The following GALNT13 variants were observed in gnomAD, a reference collection of about 807,000 sequenced individuals.
GALNT13 encodes the protein polypeptide N-acetylgalactosaminyltransferase 13.
In GALNT13, 28 loss-of-function variants were observed where a neutral mutation model predicts 64.2. The ratio of observed to expected loss-of-function variants is 0.44; its 90% CI spans 0.32 to 0.60. The LOEUF (loss-of-function observed/expected upper bound fraction) is 0.60. Ranked by LOEUF, GALNT13 falls within the 20% of genes least tolerant of loss-of-function variation. GALNT13 has a pLI of 0.05. For synonymous variants in GALNT13, 214 were observed against 224.6 expected, an observed-to-expected ratio of 0.95 and a Z score of 0.42; for missense variants, 577 against 669.8, an observed-to-expected ratio of 0.86 and a Z score of 1.53.
chr2:153,074,885 A>T, the GALNT13 span, among the ~76,000 whole-genome samples: 3 of 152,082 alleles, frequency 2.0e-5, no homozygotes, highest in Non-Finnish European at 4.4e-5. Context: ...CATACATGCC[A>T]CTGTACCCAG....
chr2:153,227,731 A>G, the GALNT13 span, among the ~76,000 whole-genome samples: 4 of 152,216 alleles, frequency 2.6e-5, no homozygotes, highest in African/African-American at 7.2e-5. Flanking sequence ...TTTAAAGGCT[A>G]TGATGAAAGA....
chr2:153,746,007 T>C, the GALNT13 span, among the ~76,000 whole-genome samples: 1 of 152,208 alleles, frequency 6.6e-6, no homozygotes, highest in Admixed American at 6.5e-5. Context: ...TTTCCCAGAA[T>C]GCAATAGAAA....
chr2:153,453,721 A>T, the GALNT13 span, among the ~76,000 whole-genome samples: 1 of 152,206 alleles, frequency 6.6e-6, no homozygotes, highest in African/African-American at 2.4e-5. Flanking sequence ...CTTCCCAAAG[A>T]ACTTACAACA....
At chr2:154,141,119 G>C (rs987176844) in intron 4 of GALNT13, among the ~76,000 whole-genome samples, 64 of 152,080 alleles carry the variant, frequency 4.2e-4, no homozygotes, top group African/African-American at 1.5e-3. Flanking sequence ...TTGTATACTT[G>C]TATAGGTCAT....
the GALNT13 span, among the ~76,000 whole-genome samples, chr2:153,235,116 A>G: frequency 6.6e-6 from 1 of 152,128 alleles, no homozygotes; most frequent in African/African-American, 2.4e-5. Context: ...GTGTGTGTTT[A>G]GACTGATCCA....
At chr2:153,929,525 G>C (rs1043672738) in intron 2 of GALNT13, among the ~76,000 whole-genome samples, 1 of 152,028 alleles carries the variant, frequency 6.6e-6, no homozygotes, top group African/African-American at 2.4e-5. Context: ...GTAGGCCATT[G>C]TGTCTGTTTT....
chr2:153,659,488 T>C, the GALNT13 span, among the ~76,000 whole-genome samples: 1 of 152,152 alleles, frequency 6.6e-6, no homozygotes, highest in Non-Finnish European at 1.5e-5. Flanking sequence ...CCTTCGAAGC[T>C]TAAGTCTTAT....
At chr2:153,072,169 T>C in the GALNT13 span, among the ~76,000 whole-genome samples, 1 of 152,192 alleles carries the variant, frequency 6.6e-6, no homozygotes, top group Non-Finnish European at 1.5e-5. Context: ...TAATGGGTGA[T>C]TGATGAAGGC....
At chr2:153,325,433 T>C in the GALNT13 span, among the ~76,000 whole-genome samples, 1 of 137,200 alleles carries the variant, frequency 7.3e-6, no homozygotes, top group Non-Finnish European at 1.7e-5. Flanking sequence ...TTTGTTAACA[T>C]TTTCAAAAAA....
chr2:153,970,250 C>T (rs1405434268), intron 3 of GALNT13, among the ~76,000 whole-genome samples: 1 of 152,182 alleles, frequency 6.6e-6, no homozygotes, highest in African/African-American at 2.4e-5. Flanking sequence ...CTTATTGTTT[C>T]CATATTGCTA....
At chr2:153,674,019 G>T in the GALNT13 span, among the ~76,000 whole-genome samples, 1 of 152,146 alleles carries the variant, frequency 6.6e-6, no homozygotes, top group Non-Finnish European at 1.5e-5. Context: ...TCTTCAAGGA[G>T]AACTACAAAC....
chr2:153,507,481 A>AT, the GALNT13 span, among the ~76,000 whole-genome samples: 1 of 151,962 alleles, frequency 6.6e-6, no homozygotes, highest in Non-Finnish European at 1.5e-5. Context: ...GGATCTCACC[A>AT]TATTGGCCAG....
chr2:153,993,974 G>C (rs895789639), intron 3 of GALNT13, among the ~76,000 whole-genome samples: 1 of 151,932 alleles, frequency 6.6e-6, no homozygotes, highest in African/African-American at 2.4e-5. Context: ...ATGCAGGTTT[G>C]TTACATATGT....
At chr2:153,188,596 T>A in the GALNT13 span, among the ~76,000 whole-genome samples, 1 of 152,266 alleles carries the variant, frequency 6.6e-6, no homozygotes, top group African/African-American at 2.4e-5. Flanking sequence ...GGAACTTTTT[T>A]TCTGGTATGA....
the GALNT13 span, among the ~76,000 whole-genome samples, chr2:153,508,647 C>T: frequency 6.6e-6 from 1 of 152,200 alleles, no homozygotes; most frequent in Non-Finnish European, 1.5e-5. Flanking sequence ...TACCAGCCTC[C>T]CCGCTGATGA....
At chr2:153,455,097 G>A in the GALNT13 span, among the ~76,000 whole-genome samples, 4 of 152,140 alleles carry the variant, frequency 2.6e-5, no homozygotes, top group East Asian at 1.9e-4. Context: ...GAAGGGTTGG[G>A]TAAGGAAGAA....
At chr2:153,555,670 A>AGTCAT in the GALNT13 span, among the ~76,000 whole-genome samples, 2 of 152,262 alleles carry the variant, frequency 1.3e-5, no homozygotes, top group Admixed American at 6.5e-5. Flanking sequence ...AAATATTAAG[A>AGTCAT]GTCATGCACT....
chr2:153,304,990 G>C, the GALNT13 span, among the ~76,000 whole-genome samples: 1 of 152,100 alleles, frequency 6.6e-6, no homozygotes, highest in Non-Finnish European at 1.5e-5. Flanking sequence ...TTTTTCTGAG[G>C]ATTATATAAT....
At chr2:153,947,334 T>TGA (rs1322827423) in intron 3 of GALNT13, among the ~76,000 whole-genome samples, 1 of 152,012 alleles carries the variant, frequency 6.6e-6, no homozygotes, top group African/African-American at 2.4e-5. Flanking sequence ...TGTGACTGTG[T>TGA]GTGTGTGTGC....
Sources: gnomAD v4.1 joint callset for allele counts (sites outside exome capture counted in the v4.1 genomes callset) on GRCh38, gnomAD v4.1.1 for gene constraint, MANE v1.5 for transcripts, NCBI Gene and HGNC (gene_info 2026-07-23, HGNC 2026-07-21) for gene names.